Variants in IL1RAPL2 observed in about 807,000 individuals in gnomAD.
The protein encoded by IL1RAPL2 is interleukin 1 receptor accessory protein like 2, also known as X-linked interleukin-1 receptor accessory protein-like 2.
Under a neutral mutation model 44.1 loss-of-function variants are expected in IL1RAPL2, and 3 were observed. The observed-to-expected ratio is 0.07, with a 90% CI of 0.03 to 0.18. IL1RAPL2 has a LOEUF of 0.18. IL1RAPL2 is among the 10% of genes least tolerant of loss of function. The pLI, the probability that IL1RAPL2 is intolerant of heterozygous loss-of-function variation, is 1.00. For synonymous variants in IL1RAPL2, 181 were observed against 178.8 expected, an observed-to-expected ratio of 1.01 and a Z score of -0.10; for missense variants, 391 against 496.4, an observed-to-expected ratio of 0.79 and a Z score of 2.02.
Position 104,667,396 on chromosome X carries a change from A to G in IL1RAPL2, c.82+8401A>G, listed in dbSNP as rs189758892. ...AGACATGCTTTTAGCCCCCCAAGAA[A>G]CAAGTAAATCATAGGGGGAAGGGAG... is the stretch of plus-strand genomic sequence containing the variant. On this transcript the variant is annotated intron_variant, in intron 2 of 10. Transcript: ENST00000372582. Among the ~76,000 whole-genome samples, 452 of 111,499 alleles carry G rather than the reference A, an allele frequency of 4.1e-3. 3 individuals are homozygous for G. The highest frequency in any genetic ancestry group is 5.2e-3 in the Non-Finnish European group (277 of 53,027).
At chrX:105,665,044 A>G (rs2037748468) in intron 6 of IL1RAPL2, among the ~76,000 whole-genome samples, 1 of 112,338 alleles carries the variant, frequency 8.9e-6, no homozygotes, top group African/African-American at 3.2e-5. Context: ...TAATGCATGT[A>G]GCATATAAAA....
chrX:104,909,537 T>A (rs1285764293), intron 2 of IL1RAPL2, among the ~76,000 whole-genome samples: 1 of 111,886 alleles, frequency 8.9e-6, no homozygotes. Context: ...GGATGTCCTT[T>A]CTGTTTGTTA....
intron 2 of IL1RAPL2, among the ~76,000 whole-genome samples, chrX:104,855,324 A>G (rs1257108943): frequency 2.7e-5 from 3 of 111,621 alleles, no homozygotes; most frequent in African/African-American, 9.8e-5. Flanking sequence ...GGAGTTGGCT[A>G]CTACTAATTC....
chrX:105,001,627 C>A (rs1353930989), intron 2 of IL1RAPL2, among the ~76,000 whole-genome samples: 2 of 111,095 alleles, frequency 1.8e-5, no homozygotes, highest in Non-Finnish European at 1.9e-5. Context: ...CAAACAGACT[C>A]AAGAATATTT....
rs148649089 is a variant in IL1RAPL2 at position 104,961,689 on chromosome X, A to G, written c.83-233786A>G. Among the ~76,000 whole-genome samples, 659 of 111,794 alleles carry G rather than the reference A, an allele frequency of 5.9e-3. 3 individuals carry two copies. Among genetic ancestry groups the G allele is most frequent in the African/African-American group, 0.02 (625 of 30,745 alleles). On this transcript the variant is annotated intron_variant, in intron 2 of 10. Transcript: ENST00000372582. ...ATGATTATATTATACATTAACTGAG[A>G]TTCCCTAATGTGTTTACTGTTTCAG...
chrX:105,318,905 G>A (rs940104183), intron 5 of IL1RAPL2, among the ~76,000 whole-genome samples: 5 of 112,155 alleles, frequency 4.5e-5, no homozygotes, highest in Non-Finnish European at 5.6e-5. Context: ...TATAGCTATC[G>A]CCTTCAATGC....
chrX:104,906,820 T>A (rs1924026601), intron 2 of IL1RAPL2, among the ~76,000 whole-genome samples: 1 of 112,053 alleles, frequency 8.9e-6, no homozygotes, highest in South Asian at 3.7e-4. Flanking sequence ...GCTGGCCTCA[T>A]AAAATGAGTT....
intron 5 of IL1RAPL2, among the ~76,000 whole-genome samples, chrX:105,459,216 A>G (rs1018425763): frequency 1.7e-4 from 19 of 110,769 alleles, no homozygotes; most frequent in African/African-American, 5.9e-4. Context: ...GATCTTAAAC[A>G]CTTTAGTTCA....
chrX:105,257,908 A>G (rs1484915107), intron 4 of IL1RAPL2, among the ~76,000 whole-genome samples: 2 of 111,505 alleles, frequency 1.8e-5, no homozygotes. Flanking sequence ...CCTTTTAAGT[A>G]AGGCATTTAG....
At chrX:104,989,261 C>A (rs1352322802) in intron 2 of IL1RAPL2, among the ~76,000 whole-genome samples, 1 of 111,295 alleles carries the variant, frequency 9.0e-6, no homozygotes, top group Non-Finnish European at 1.9e-5. Flanking sequence ...TATCATTATG[C>A]TTTTCCCTAC....
chrX:104,917,433 A>G (rs1285659157), intron 2 of IL1RAPL2, among the ~76,000 whole-genome samples: 1 of 112,022 alleles, frequency 8.9e-6, no homozygotes, highest in Non-Finnish European at 1.9e-5. Flanking sequence ...GGTCCTGGGT[A>G]CAAATGAAAC....
intron 2 of IL1RAPL2, among the ~76,000 whole-genome samples, chrX:104,895,818 G>T (rs936733717): frequency 8.9e-6 from 1 of 111,805 alleles, no homozygotes; most frequent in Non-Finnish European, 1.9e-5. Flanking sequence ...ACAAGCCCCA[G>T]TGAGATGAAC....
intron 2 of IL1RAPL2, among the ~76,000 whole-genome samples, chrX:105,096,079 T>C (rs2032600306): frequency 9.0e-6 from 1 of 111,435 alleles, no homozygotes; most frequent in African/African-American, 3.3e-5. Flanking sequence ...AATAAGCACA[T>C]GAAAAGATGC....
chrX:105,669,597 A>G (rs2037799872), intron 6 of IL1RAPL2, among the ~76,000 whole-genome samples: 1 of 111,757 alleles, frequency 8.9e-6, no homozygotes, highest in South Asian at 3.7e-4. Flanking sequence ...TAAATAATTC[A>G]GAAAGATCCC....
intron 1 of IL1RAPL2, among the ~76,000 whole-genome samples, chrX:104,631,494 G>A (rs1602652304): frequency 9.0e-6 from 1 of 111,093 alleles, no homozygotes; most frequent in Non-Finnish European, 1.9e-5. Context: ...ATCCTCTCCA[G>A]CACCTGTTGT....
At chrX:105,358,811 G>A (rs753895056) in intron 5 of IL1RAPL2, among the ~76,000 whole-genome samples, 14 of 111,692 alleles carry the variant, frequency 1.3e-4, no homozygotes, top group Non-Finnish European at 2.3e-4. Context: ...ATGGTGTGTC[G>A]CATTCTAAGG....
At chrX:105,276,232 C>G (rs746695077) in intron 5 of IL1RAPL2, among the ~76,000 whole-genome samples, 24 of 111,394 alleles carry the variant, frequency 2.2e-4, no homozygotes, top group African/African-American at 7.5e-4. Flanking sequence ...ATGGAGAAAC[C>G]CCATCTCTAC....
chrX:105,486,734 ATATCTATCTATC>A (rs34493388), intron 6 of IL1RAPL2, among the ~76,000 whole-genome samples: 9 of 103,889 alleles, frequency 8.7e-5, no homozygotes, highest in Admixed American at 3.1e-4. Context: ...CTATATATCT[ATATCTATCTATC>A]TATCTATCTA....
intron 2 of IL1RAPL2, among the ~76,000 whole-genome samples, chrX:105,065,101 A>T (rs1240420265): frequency 8.9e-6 from 1 of 112,450 alleles, no homozygotes. Context: ...CAGCTCAAAT[A>T]TAATAGTTGC....
Sources: gnomAD v4.1 joint callset for allele counts (sites outside exome capture counted in the v4.1 genomes callset) on GRCh38, gnomAD v4.1.1 for gene constraint, MANE v1.5 for transcripts, NCBI Gene and HGNC (gene_info 2026-07-23, HGNC 2026-07-21) for gene names.